SFRP1: variants seen among roughly 807,000 people sequenced by gnomAD.
SFRP1 encodes secreted frizzled related protein 1.
In SFRP1, 9 loss-of-function variants were observed where a neutral mutation model predicts 25.9. That is an observed-to-expected ratio of 0.35 (90% CI 0.21 to 0.61). SFRP1 has a LOEUF of 0.61. Among genes scored for constraint, SFRP1 ranks in the 20% least tolerant of loss-of-function variants. SFRP1 has a pLI of 0.78. For synonymous variants in SFRP1, 178 were observed against 174.0 expected (o/e 1.02, Z -0.18); for missense variants, 346 against 418.2 (o/e 0.83, Z 1.51).
At chr8:41,275,738 G>A (rs371925206) in intron 2 of SFRP1, among the ~76,000 whole-genome samples, 2 of 150,888 alleles carry the variant, frequency 1.3e-5, no homozygotes, top group Admixed American at 6.6e-5. Flanking sequence ...TCCTGACCTC[G>A]TGATCCGAGA....
intron 2 of SFRP1, among the ~76,000 whole-genome samples, chr8:41,287,045 G>A (rs1478997516): frequency 6.6e-6 from 1 of 152,186 alleles, no homozygotes; most frequent in Non-Finnish European, 1.5e-5. Flanking sequence ...TCTACAGTGG[G>A]ACCCTACCAC....
At chr8:41,301,465 A>G (rs10090158) in intron 2 of SFRP1, among the ~76,000 whole-genome samples, 13 of 151,810 alleles carry the variant, frequency 8.6e-5, no homozygotes, top group South Asian at 6.2e-4. Context: ...AAATCCCTAT[A>G]TATTGTTTTA....
chr8:41,291,324 G>C (rs565006447), intron 2 of SFRP1, among the ~76,000 whole-genome samples: 3 of 152,086 alleles, frequency 2.0e-5, no homozygotes, highest in Non-Finnish European at 4.4e-5. Flanking sequence ...TCAGGTTGCC[G>C]CACAAGCTGG....
At chr8:41,288,083 C>G (rs1803729571) in intron 2 of SFRP1, among the ~76,000 whole-genome samples, 1 of 151,948 alleles carries the variant, frequency 6.6e-6, no homozygotes, top group Non-Finnish European at 1.5e-5. Flanking sequence ...TTTGGCCAGG[C>G]ACAGTGGCTC....
chr8:41,293,325 C>G (rs771090279), intron 2 of SFRP1, among the ~76,000 whole-genome samples: 2 of 152,252 alleles, frequency 1.3e-5, no homozygotes, highest in African/African-American at 4.8e-5. Context: ...GCTCCCCCTC[C>G]CATGCCTTGA....
chr8:41,294,715 G>A (rs2117509577), intron 2 of SFRP1, among the ~76,000 whole-genome samples: 1 of 152,126 alleles, frequency 6.6e-6, no homozygotes, highest in Non-Finnish European at 1.5e-5. Context: ...CAGCCCTCAT[G>A]CTTACAGCCC....
At chr8:41,284,855 AGGCCGATGCTCC>A in intron 2 of SFRP1, among the ~76,000 whole-genome samples, 1 of 152,372 alleles carries the variant, frequency 6.6e-6, no homozygotes, top group Non-Finnish European at 1.5e-5. Flanking sequence ...TGCAAGGCCA[AGGCCGATGCTCC>A]AGTCCAGGGA....
chr8:41,307,839 C>G (rs1017637082), intron 1 of SFRP1, among the ~76,000 whole-genome samples: 4 of 152,138 alleles, frequency 2.6e-5, no homozygotes, highest in Non-Finnish European at 5.9e-5. Flanking sequence ...CAGAGCTGCT[C>G]TCCCCGGGAG....
intron 2 of SFRP1, among the ~76,000 whole-genome samples, chr8:41,288,816 G>A (rs983273350): frequency 6.6e-6 from 1 of 152,190 alleles, no homozygotes; most frequent in African/African-American, 2.4e-5. Context: ...CTATGCAGCG[G>A]AAGGGGCTCC....
intron 2 of SFRP1, among the ~76,000 whole-genome samples, chr8:41,281,748 C>T (rs1803636873): frequency 6.6e-6 from 1 of 152,186 alleles, no homozygotes; most frequent in Non-Finnish European, 1.5e-5. Flanking sequence ...GCAGGGGAAA[C>T]CCCCACACCC....
intron 2 of SFRP1, among the ~76,000 whole-genome samples, chr8:41,268,809 G>A (rs1259434975): frequency 6.6e-6 from 1 of 152,214 alleles, no homozygotes; most frequent in Non-Finnish European, 1.5e-5. Context: ...GCTGGCCCAA[G>A]AGCAGCCCGG....
intron 2 of SFRP1, among the ~76,000 whole-genome samples, chr8:41,302,833 T>C (rs114820120): frequency 0.015 from 2,275 of 149,034 alleles, 58 homozygotes; most frequent in African/African-American, 0.054. Context: ...GAGCTGCGAG[T>C]GCTGGTTCAG....
At chr8:41,272,335 T>A (rs1803519656) in intron 2 of SFRP1, among the ~76,000 whole-genome samples, 1 of 152,256 alleles carries the variant, frequency 6.6e-6, no homozygotes, top group African/African-American at 2.4e-5. Context: ...CCAGGCACGG[T>A]GGCTCACGCC....
At chr8:41,301,866 T>G (rs1213854398) in intron 2 of SFRP1, among the ~76,000 whole-genome samples, 1 of 152,180 alleles carries the variant, frequency 6.6e-6, no homozygotes, top group African/African-American at 2.4e-5. Context: ...CGCTGGCTGA[T>G]TTGGCAGGTG....
chr8:41,273,567 G>A lies in SFRP1; in HGVS notation c.623-8078C>T, dbSNP rs554572515. ...GGTTACAATGTGATGTTTTGTATAA[G>A]AGAAGGAATGATTAAATCAAGCTAA... On this transcript the variant is annotated intron_variant, in intron 2 of 2. Transcript: ENST00000220772. Among the ~76,000 whole-genome samples, 415 of 152,238 alleles carry A rather than the reference G, an allele frequency of 2.7e-3. 2 individuals are homozygous for A. The highest frequency in any genetic ancestry group is 9.3e-3 in the African/African-American group (388 of 41,536).
chr8:41,295,206 CA>C (rs1803828398), intron 2 of SFRP1, among the ~76,000 whole-genome samples: 1 of 152,114 alleles, frequency 6.6e-6, no homozygotes, highest in African/African-American at 2.4e-5. Flanking sequence ...ACTAAAAATA[CA>C]AAAATTAGCC....
At chr8:41,282,888 T>G (rs1034286167) in intron 2 of SFRP1, among the ~76,000 whole-genome samples, 1 of 152,132 alleles carries the variant, frequency 6.6e-6, no homozygotes, top group African/African-American at 2.4e-5. Flanking sequence ...GCAAATAAAG[T>G]TTTTTTGCAC....
chr8:41,300,971 A>G (rs1370696586), intron 2 of SFRP1, among the ~76,000 whole-genome samples: 1 of 152,120 alleles, frequency 6.6e-6, no homozygotes, highest in African/African-American at 2.4e-5. Flanking sequence ...CCCTGAACTG[A>G]GCAGGTACAG....
At position 41,265,066 on chromosome 8, in the gene SFRP1, A is replaced by C; in HGVS notation, c.*101T>G. 1.3e-6 allele frequency: 1 copy of C among 766,746 alleles called. No homozygotes were observed. Among genetic ancestry groups the C allele is most frequent in the Non-Finnish European group, 2.1e-6 (1 of 479,308 alleles). The allele number at this position is 766,746 out of a possible 1,614,324, so 47.5% of individuals were successfully genotyped here. Reference sequence around the variant, plus strand: ...GACTGGATTACAATGTCCACTACTGACAGGCGCAGTGCGTGTGTGTGACCC... The same window carrying C: ...GACTGGATTACAATGTCCACTACTGCCAGGCGCAGTGCGTGTGTGTGACCC... On this transcript the variant is annotated 3_prime_UTR_variant, in exon 3 of 3. Transcript: ENST00000220772.
Sources: gnomAD v4.1 joint callset for allele counts (sites outside exome capture counted in the v4.1 genomes callset) on GRCh38, gnomAD v4.1.1 for gene constraint, MANE v1.5 for transcripts, NCBI Gene and HGNC (gene_info 2026-07-23, HGNC 2026-07-21) for gene names.